The following SSH2 variants were observed in gnomAD, a reference collection of about 807,000 sequenced individuals.
The protein encoded by SSH2 is slingshot protein phosphatase 2, also known as protein phosphatase Slingshot homolog 2.
A neutral mutation model predicts 135.2 loss-of-function variants in SSH2; 37 were observed. That is an observed-to-expected ratio of 0.27 (90% CI 0.21 to 0.36). The LOEUF (loss-of-function observed/expected upper bound fraction) is 0.36, where lower values mean the gene tolerates loss of function less well. Ranked by LOEUF, SSH2 falls within the 10% of genes least tolerant of loss-of-function variation. The pLI, the probability that SSH2 is intolerant of heterozygous loss-of-function variation, is 1.00. For synonymous variants in SSH2, 628 were observed against 646.2 expected (o/e 0.97, Z 0.43); for missense variants, 1,408 against 1,765.3 (o/e 0.80, Z 3.63).
chr17:29,827,080 T>C (rs994947735), intron 2 of SSH2, among the ~76,000 whole-genome samples: 4 of 152,182 alleles, frequency 2.6e-5, no homozygotes, highest in Non-Finnish European at 1.5e-5. Context: ...CTACAAATTG[T>C]TGCTGATGTT....
At chr17:29,907,818 C>CTTT (rs201612892) in intron 1 of SSH2, among the ~76,000 whole-genome samples, 8 of 132,002 alleles carry the variant, frequency 6.1e-5, no homozygotes, top group Non-Finnish European at 9.9e-5. Context: ...CTGACAAAAC[C>CTTT]TTTTTTTTTT....
intron 2 of SSH2, among the ~76,000 whole-genome samples, chr17:29,841,488 A>G (rs536199576): frequency 6.6e-6 from 1 of 152,348 alleles, no homozygotes; most frequent in South Asian, 2.1e-4. Context: ...TCATTTCAGT[A>G]TCTTGCTTTT....
intron 6 of SSH2, among the ~76,000 whole-genome samples, chr17:29,680,861 A>G (rs899266793): frequency 6.6e-5 from 10 of 152,136 alleles, no homozygotes; most frequent in African/African-American, 2.4e-4. Context: ...TTGAGTATAA[A>G]TATGGTGGGT....
chr17:29,632,321 C>T lies in SSH2; in HGVS notation c.2873G>A (p.Ser958Asn), dbSNP rs1421138374. ...HSFVLKEPEM[S>N]KGKGKYSGSE... ...CCCACTGTATTTCCCTTTGCCTTTGCTCATTTCTGGTTCCTTGAGGACAAA... is the reference window on the plus strand; with the variant it reads ...CCCACTGTATTTCCCTTTGCCTTTGTTCATTTCTGGTTCCTTGAGGACAAA... The change falls in exon 16 of 16, where the codon AGC (serine) becomes AAC (asparagine). Residue 958 changes from serine to asparagine, a missense_variant. Transcript: ENST00000540801. The T allele has an allele frequency of 1.2e-6, 2 of 1,613,952 alleles. No homozygotes were observed. Among genetic ancestry groups the T allele is most frequent in the Non-Finnish European group, 8.5e-7 (1 of 1,179,926 alleles).
intron 5 of SSH2, among the ~76,000 whole-genome samples, chr17:29,688,337 T>C (rs1203910689): frequency 6.6e-6 from 1 of 152,116 alleles, no homozygotes; most frequent in Non-Finnish European, 1.5e-5. Context: ...TATTTTATAA[T>C]ATCAAAAGCA....
intron 6 of SSH2, among the ~76,000 whole-genome samples, chr17:29,681,209 C>A (rs1023197220): frequency 6.6e-6 from 1 of 151,384 alleles, no homozygotes; most frequent in Non-Finnish European, 1.5e-5. Flanking sequence ...GTGGTGTGCG[C>A]CTGTAGTCCC....
At chr17:29,658,855 G>A (rs1014691733) in intron 11 of SSH2, among the ~76,000 whole-genome samples, 2 of 92,388 alleles carry the variant, frequency 2.2e-5, no homozygotes, top group African/African-American at 4.7e-5. Flanking sequence ...CAACAGAAGC[G>A]AAACTCCGTC....
Position 29,684,437 on chromosome 17 carries a change from A to G in SSH2, c.479+126T>C, listed in dbSNP as rs577601078. On this transcript the variant is annotated intron_variant, in intron 6 of 15. Coordinates refer to ENST00000540801, the MANE Select transcript of SSH2 (RefSeq NM_001282129.2). ...GGTTGCAGTGAGCCGAGATTGAGCC[A>G]CTGCACTCTAGTCTGGGCAACAGAG... 57 of 873,426 alleles carry G rather than the reference A, an allele frequency of 6.5e-5. 1 individual carries two copies. The highest frequency in any genetic ancestry group is 8.5e-5 in the Non-Finnish European group (50 of 589,866). 54.1% of individuals were successfully genotyped at this position (873,426 alleles called of 1,614,324 possible). A position where few individuals can be genotyped will look rare whatever the true frequency, so the allele number is the denominator to read the frequency against.
chr17:29,645,902 C>A (rs558290008), intron 14 of SSH2: 2 of 152,056 alleles, frequency 1.3e-5, no homozygotes, highest in African/African-American at 4.8e-5. Flanking sequence ...ACTTCGGGGG[C>A]GGGAGGGTGA....
intron 2 of SSH2, among the ~76,000 whole-genome samples, chr17:29,807,655 C>T (rs1366640641): frequency 6.6e-6 from 1 of 152,126 alleles, no homozygotes; most frequent in Non-Finnish European, 1.5e-5. Flanking sequence ...AGTAGAAATA[C>T]ATTTGACATC....
chr17:29,877,128 A>C (rs1382959935), intron 1 of SSH2, among the ~76,000 whole-genome samples: 1 of 152,218 alleles, frequency 6.6e-6, no homozygotes, highest in Non-Finnish European at 1.5e-5. Flanking sequence ...AAGGTACTCA[A>C]CGTCACTGAT....
At chr17:29,789,456 A>G (rs898914103) in intron 3 of SSH2, among the ~76,000 whole-genome samples, 9 of 152,206 alleles carry the variant, frequency 5.9e-5, no homozygotes, top group Non-Finnish European at 1.2e-4. Context: ...AAACAGAGAA[A>G]ATGAAATGGA....
intron 3 of SSH2, among the ~76,000 whole-genome samples, chr17:29,752,192 A>G (rs2040966705): frequency 6.6e-6 from 1 of 152,204 alleles, no homozygotes; most frequent in Non-Finnish European, 1.5e-5. Context: ...GTGAAAATTG[A>G]TAAGCTGATT....
At chr17:29,857,834 T>C in intron 1 of SSH2, among the ~76,000 whole-genome samples, 1 of 152,172 alleles carries the variant, frequency 6.6e-6, no homozygotes, top group Middle Eastern at 3.2e-3. Context: ...GTATAGTCAA[T>C]CTCTAAAGCT....
At position 29,690,215 on chromosome 17, in the gene SSH2, C is replaced by T. The variant is rs2038406489; in HGVS notation, c.357+5244G>A. On this transcript the variant is annotated intron_variant, in intron 5 of 15. Transcript: ENST00000540801. ...GGTCGGGAGTTCAAGACCAGCCAGACCAATATGGAGAAACCCGGTCTCTCC... is the reference window on the plus strand; with the variant it reads ...GGTCGGGAGTTCAAGACCAGCCAGATCAATATGGAGAAACCCGGTCTCTCC... 2.0e-5 allele frequency among the ~76,000 whole-genome samples: 3 copies of T among 151,634 alleles called. No individual in the cohort carries two copies. The South Asian group carries it at 6.2e-4, about 31-fold the overall frequency.
intron 1 of SSH2, among the ~76,000 whole-genome samples, chr17:29,927,463 C>A (rs1045395631): frequency 5.9e-5 from 9 of 152,068 alleles, no homozygotes; most frequent in African/African-American, 2.2e-4. Context: ...TGCCCTGCAT[C>A]CTATAGTGTA....
intron 5 of SSH2, among the ~76,000 whole-genome samples, chr17:29,685,057 G>A (rs972537574): frequency 6.6e-6 from 1 of 152,160 alleles, no homozygotes; most frequent in Non-Finnish European, 1.5e-5. Context: ...ATGAATGTGA[G>A]CATTGGTCTC....
At chr17:29,731,529 CACT>C (rs1448865816) in intron 3 of SSH2, among the ~76,000 whole-genome samples, 1 of 151,924 alleles carries the variant, frequency 6.6e-6, no homozygotes, top group African/African-American at 2.4e-5. Flanking sequence ...GATCTCGGCT[CACT>C]ACAACCTCCG....
intron 1 of SSH2, among the ~76,000 whole-genome samples, chr17:29,885,876 C>T (rs923667238): frequency 6.6e-6 from 1 of 152,168 alleles, no homozygotes; most frequent in Non-Finnish European, 1.5e-5. Flanking sequence ...ATTCTTCCAC[C>T]ATGATTGTGA....
Sources: gnomAD v4.1 joint callset for allele counts (sites outside exome capture counted in the v4.1 genomes callset) on GRCh38, gnomAD v4.1.1 for gene constraint, MANE v1.5 for transcripts, NCBI Gene and HGNC (gene_info 2026-07-23, HGNC 2026-07-21) for gene names.